Variants in TSPEAR observed in about 807,000 individuals in gnomAD.
TSPEAR encodes thrombospondin-type laminin G domain and EAR repeat-containing protein.
In TSPEAR, 69 loss-of-function variants were observed where a neutral mutation model predicts 71.6. The ratio of observed to expected loss-of-function variants is 0.96; its 90% CI spans 0.79 to 1.18. The LOEUF is 1.18. TSPEAR is among the 50% of genes most tolerant of loss of function. The probability of loss-of-function intolerance (pLI) is 0.00; values close to 1 mark genes in which losing one functional copy is unlikely to be tolerated. For synonymous variants in TSPEAR, 402 were observed against 387.2 expected (o/e 1.04, Z -0.45); for missense variants, 971 against 894.9 (o/e 1.09, Z -1.09).
chr21:44,646,637 C>A (rs149442888), intron 1 of TSPEAR: 9 of 1,613,332 alleles, frequency 5.6e-6, no homozygotes, highest in Middle Eastern at 1.8e-4. Context: ...TGCTGCCAGG[C>A]GGCCTGTGAG....
intron 1 of TSPEAR, chr21:44,690,470 CA>C (rs1987080255): frequency 1.5e-5 from 13 of 851,720 alleles, no homozygotes; most frequent in Non-Finnish European, 1.8e-5. Flanking sequence ...AACAAATGAA[CA>C]AGTCACCCAC....
chr21:44,534,651 A>G (rs1442976782), intron 2 of TSPEAR, among the ~76,000 whole-genome samples: 6 of 152,140 alleles, frequency 3.9e-5, no homozygotes, highest in African/African-American at 1.4e-4. Context: ...TGCTGGCGAC[A>G]CTGTGGAGAA....
chr21:44,681,256 G>A (rs1348338428), intron 1 of TSPEAR, among the ~76,000 whole-genome samples: 1 of 152,264 alleles, frequency 6.6e-6, no homozygotes, highest in Non-Finnish European at 1.5e-5. Context: ...ACATGGGAAA[G>A]CCCGATCCTC....
At chr21:44,541,922 C>CTG (rs1467526789) in intron 2 of TSPEAR, among the ~76,000 whole-genome samples, 23 of 152,242 alleles carry the variant, frequency 1.5e-4, no homozygotes, top group African/African-American at 5.5e-4. Context: ...TCATAAAGTC[C>CTG]TTCATGCAGT....
rs1405035877 is a variant in TSPEAR at position 44,538,437 on chromosome 21, A to C, written c.304-4514T>G. On this transcript the variant is annotated intron_variant, in intron 2 of 11. Coordinates refer to ENST00000323084, the MANE Select transcript of TSPEAR (RefSeq NM_144991.3). ...GGAAACTGCTGCCCCCCCCCCCCCCAAGAGGAGAACCTGGGCAGCGCCAGG... is the reference window on the plus strand; with the variant it reads ...GGAAACTGCTGCCCCCCCCCCCCCCCAGAGGAGAACCTGGGCAGCGCCAGG... 1.5e-3 allele frequency among the ~76,000 whole-genome samples: 69 copies of C among 46,614 alleles called. 1 individual carries two copies. Among genetic ancestry groups the C allele is most frequent in the African/African-American group, 8.5e-3 (58 of 6,826 alleles). The allele number at this position is 46,614 out of a possible 152,430, so 30.6% of individuals were successfully genotyped here. A position where few individuals can be genotyped will look rare whatever the true frequency, so the allele number is the denominator to read the frequency against.
In TSPEAR at chr21:44,711,483, A is replaced by G. The variant is rs1988221301; in HGVS notation, c.32T>C (p.Leu11Pro). 3.7e-6 allele frequency: 6 copies of G among 1,612,106 alleles called. No homozygotes were observed. The highest frequency in any genetic ancestry group is 3.4e-6 in the Non-Finnish European group (4 of 1,179,470). MSALLSLCFVLPLAAPGHGTQ... is the reference protein window; with the variant it reads MSALLSLCFVPPLAAPGHGTQ... ...GCCGTGGCCGGGGGCCGCCAGGGGC[A>G]GCACAAAACACAGACTCAGCAGGGC... Residue 11 changes from leucine (L) to proline (P), a missense_variant, in exon 1 of 12, where the codon CTG becomes CCG. Leu to Pro is a moderately conservative substitution (Grantham distance 98). Transcript: ENST00000323084. This position sits in a 1 kb window ranked among gnomAD's most constrained non-coding sequence, Gnocchi z 4.5.
Position 44,522,080 on chromosome 21 carries a change from T to G in TSPEAR, c.1369A>C (p.Lys457Gln). The G allele has an allele frequency of 6.2e-7, 1 of 1,614,020 alleles. No individual in the cohort carries two copies. The highest frequency in any genetic ancestry group is 8.5e-7 in the Non-Finnish European group (1 of 1,179,984). ...AAGAGCCGGGTTGCCGGGTTCCACT[T>G]GTAGATGACACTGTCGATGTTGTGG... ...DNHNIDSVIY[K>Q]WNPATRLFEA... The change falls in exon 9 of 12, where the codon AAG becomes CAG. Residue 457 changes from lysine to glutamine, a missense_variant. Transcript: ENST00000323084.
At chr21:44,627,403 T>C (rs1982894860) in intron 1 of TSPEAR, 2 of 1,613,706 alleles carry the variant, frequency 1.2e-6, no homozygotes, top group Non-Finnish European at 1.7e-6. Flanking sequence ...CTGCACGCCC[T>C]CGTGCTGCCA....
chr21:44,574,875 T>C (rs1376359531), intron 1 of TSPEAR: 15 of 1,612,744 alleles, frequency 9.3e-6, no homozygotes, highest in Non-Finnish European at 1.3e-5. Flanking sequence ...CAGGCCCGCC[T>C]GCTGCGTGCC....
intron 1 of TSPEAR, among the ~76,000 whole-genome samples, chr21:44,613,213 C>T (rs1555931696): frequency 6.6e-6 from 1 of 152,156 alleles, no homozygotes; most frequent in Non-Finnish European, 1.5e-5. Context: ...ATTCTCTTTT[C>T]CTGTTGTTCT....
chr21:44,709,972 G>C (rs1256973260), intron 1 of TSPEAR, among the ~76,000 whole-genome samples: 2 of 152,226 alleles, frequency 1.3e-5, no homozygotes, highest in African/African-American at 4.8e-5. Context: ...AGCTTCAGGG[G>C]AGAGGGGGAG....
chr21:44,657,435 T>C (rs1555942757), intron 1 of TSPEAR, among the ~76,000 whole-genome samples: 1 of 152,196 alleles, frequency 6.6e-6, no homozygotes, highest in Admixed American at 6.5e-5. Flanking sequence ...TGTGCCACTA[T>C]AGTGCAAAAG....
chr21:44,637,411 C>A, intron 1 of TSPEAR: 1 of 1,598,028 alleles, frequency 6.3e-7, no homozygotes, highest in Non-Finnish European at 8.5e-7. Context: ...CGCCTCCCCA[C>A]TCCAGCATGG....
chr21:44,658,046 T>A, intron 1 of TSPEAR: 1 of 1,613,896 alleles, frequency 6.2e-7, no homozygotes, highest in Non-Finnish European at 8.5e-7. Context: ...CTGCCAGGCA[T>A]CCTGCTATGT....
intron 1 of TSPEAR, among the ~76,000 whole-genome samples, chr21:44,685,123 A>G (rs2838634): frequency 0.65 from 98,016 of 151,744 alleles, 31,823 homozygotes; most frequent in South Asian, 0.72. Context: ...TTTCATTAAC[A>G]TGGTGTCTGA....
At chr21:44,674,287 A>G (rs2146286471) in intron 1 of TSPEAR, among the ~76,000 whole-genome samples, 1 of 146,160 alleles carries the variant, frequency 6.8e-6, no homozygotes, top group South Asian at 2.1e-4. Context: ...AACAAAACAA[A>G]AAGTTGGTCT....
intron 1 of TSPEAR, among the ~76,000 whole-genome samples, chr21:44,583,005 T>TC (rs1979102729): frequency 1.7e-5 from 2 of 116,108 alleles, no homozygotes; most frequent in Non-Finnish European, 4.0e-5. Flanking sequence ...TTTCTTTCTT[T>TC]TTTTTTTTGT....
intron 1 of TSPEAR, chr21:44,690,644 TTAAGA>T (rs1378657327): frequency 1.5e-5 from 14 of 963,002 alleles, no homozygotes; most frequent in Middle Eastern, 5.2e-4. Flanking sequence ...TAAGCAGTTC[TTAAGA>T]TAAGCAGTAA....
intron 1 of TSPEAR, among the ~76,000 whole-genome samples, chr21:44,614,211 C>T (rs1449792478): frequency 6.6e-6 from 1 of 152,248 alleles, no homozygotes; most frequent in Non-Finnish European, 1.5e-5. Flanking sequence ...GCCAGCGTCA[C>T]TCTCCCCCTC....
Sources: allele counts gnomAD v4.1 joint callset (sites outside exome capture counted in the v4.1 genomes callset), GRCh38; gene constraint gnomAD v4.1.1; non-coding constraint Gnocchi (gnomAD v3.1); transcripts MANE v1.5; gene names NCBI Gene and HGNC (gene_info 2026-07-23, HGNC 2026-07-21).